Variants in ADAMDEC1 observed in about 807,000 individuals in gnomAD.
The protein encoded by ADAMDEC1 is ADAM DEC1.
A neutral mutation model predicts 60.4 loss-of-function variants in ADAMDEC1; 62 were observed. The ratio of observed to expected loss-of-function variants is 1.03; its 90% confidence interval spans 0.84 to 1.27. The LOEUF is 1.27. ADAMDEC1 is among the 50% of genes most tolerant of loss of function. ADAMDEC1 has a pLI of 0.00. For synonymous variants in ADAMDEC1, 210 were observed against 195.1 expected (o/e 1.08, Z -0.64); for missense variants, 595 against 565.0 (o/e 1.05, Z -0.54).
At chr8:24,398,676 A>G in intron 8 of ADAMDEC1, 125 bp downstream of exon 8, 1 of 949,646 alleles carries the variant, frequency 1.1e-6, no homozygotes, top group Non-Finnish European at 1.6e-6. Flanking sequence ...AGTTCAGGGA[A>G]ATTTTAGCAG....
chr8:24,390,796 T>C (rs772413933), intron 1 of ADAMDEC1, among the ~76,000 whole-genome samples: 3 of 152,122 alleles, frequency 2.0e-5, no homozygotes, highest in Non-Finnish European at 4.4e-5. Context: ...ATTTTTTTTT[T>C]ATTTGTTTTT....
intron 4 of ADAMDEC1, among the ~76,000 whole-genome samples, chr8:24,394,407 A>T (rs1456718357): frequency 6.6e-6 from 1 of 152,206 alleles, no homozygotes; most frequent in East Asian, 1.9e-4. Flanking sequence ...GAAGCAACCA[A>T]AAGTCCACTT....
chr8:24,389,500 T>C (rs1817382713), intron 1 of ADAMDEC1, among the ~76,000 whole-genome samples: 1 of 152,164 alleles, frequency 6.6e-6, no homozygotes. Flanking sequence ...ATGAGCTCTC[T>C]GATTCTACAC....
At chr8:24,391,168 T>C (rs1817435692) in intron 1 of ADAMDEC1, among the ~76,000 whole-genome samples, 1 of 152,194 alleles carries the variant, frequency 6.6e-6, no homozygotes, top group Non-Finnish European at 1.5e-5. Flanking sequence ...TGTAATTTCC[T>C]TTCATTTTCC....
intron 13 of ADAMDEC1, 117 bp from the exon 14 acceptor site, chr8:24,405,172 AAAT>A (rs1202644943): frequency 1.9e-6 from 2 of 1,072,944 alleles, no homozygotes; most frequent in Non-Finnish European, 2.7e-6. Context: ...ATAGTCTCTT[AAAT>A]AATATGAATT....
chr8:24,395,872 C>T, intron 5 of ADAMDEC1, 76 bp downstream of exon 5: 2 of 1,171,082 alleles, frequency 1.7e-6, no homozygotes, highest in Non-Finnish European at 2.5e-6. Context: ...TAGATATTGT[C>T]TTCTTACTAT....
intron 5 of ADAMDEC1, among the ~76,000 whole-genome samples, chr8:24,396,677 T>C (rs867523193): frequency 3.9e-5 from 6 of 152,226 alleles, no homozygotes; most frequent in Non-Finnish European, 8.8e-5. Context: ...TCTTCCAACA[T>C]GGCTGATAAC....
At chr8:24,400,119 T>G (rs781142368) in intron 10 of ADAMDEC1, 51 bp from the exon 11 acceptor site, 100 of 1,416,764 alleles carry the variant, frequency 7.1e-5, no homozygotes, top group Non-Finnish European at 8.5e-5. Flanking sequence ...TACTGCACAT[T>G]GGCAACAATT....
chr8:24,398,369 G>A, intron 7 of ADAMDEC1, 111 bp from the exon 8 acceptor site: 1 of 661,902 alleles, frequency 1.5e-6, no homozygotes, highest in Non-Finnish European at 2.6e-6. Context: ...ATGAATAGAT[G>A]TTAATTGTAG....
At chr8:24,397,531 G>A in intron 6 of ADAMDEC1, 75 bp downstream of exon 6, 1 of 1,526,376 alleles carries the variant, frequency 6.6e-7, no homozygotes, top group Non-Finnish European at 9.0e-7. Flanking sequence ...ACTATTCTTA[G>A]AAATGAGTAG....
At chr8:24,392,235 A>C in intron 1 of ADAMDEC1, 27 bp from the exon 2 acceptor site, 1 of 1,524,846 alleles carries the variant, frequency 6.6e-7, no homozygotes, top group African/African-American at 1.4e-5. Context: ...TAAATCTTTT[A>C]TGTGAATATT....
chr8:24,404,072 G>C lies in ADAMDEC1; in HGVS notation c.1390G>C (p.Ala464Pro), dbSNP rs1585818013. The change falls in exon 13 of 14, where the codon GCT (alanine) becomes CCT (proline). Residue 464 changes from alanine to proline, a missense_variant. By Grantham distance (27) the Ala-to-Pro change is conservative. Coordinates refer to ENST00000256412, the MANE Select transcript of ADAMDEC1 (RefSeq NM_014479.3). The stretch of plus-strand genomic sequence containing the variant: ...GCCTGGAACTGATTGCGGAGGAGAT[G>C]CTCCAAACCATACCACGTAAGACCT... The part of the protein sequence containing the change: ...LKPGTDCGGD[A>P]PNHTTE The C allele has an allele frequency of 1.2e-6, 2 of 1,613,510 alleles. No homozygotes were observed. Among genetic ancestry groups the C allele is most frequent in the African/African-American group, 2.7e-5 (2 of 74,920 alleles).
At position 24,400,297 on chromosome 8, in the gene ADAMDEC1, T is replaced by G. The variant is rs1162941947; in HGVS notation, c.1139T>G (p.Leu380Arg). ...PSGSCVMNQY[L>R]SSKFPKDFST... is the part of the protein sequence containing the mutation. ...GGCAGTTGTGTGATGAATCAGTATC[T>G]GAGGTGAGACCTTGTCATCCTAAAA... The change falls in exon 11 of 14, where the codon CTG (leucine) becomes CGG (arginine). Residue 380 changes from leucine (L) to arginine (R), a missense_variant. Physicochemically the swap from Leu to Arg is moderately radical, Grantham distance 102. Transcript: ENST00000256412. The G allele has an allele frequency of 6.3e-7, 1 of 1,599,320 alleles. No individual in the cohort carries two copies. The highest frequency in any genetic ancestry group is 2.2e-5 in the East Asian group (1 of 44,624).
chr8:24,405,122 A>T (rs1377925135), intron 13 of ADAMDEC1, among the ~76,000 whole-genome samples, 170 bp from the exon 14 acceptor site: 2 of 152,224 alleles, frequency 1.3e-5, no homozygotes, highest in East Asian at 3.8e-4. Context: ...TTAAGTCCAG[A>T]TAAATTAGTT....
chr8:24,389,073 G>T (rs1204750251), intron 1 of ADAMDEC1, among the ~76,000 whole-genome samples: 2 of 152,174 alleles, frequency 1.3e-5, no homozygotes, highest in East Asian at 1.9e-4. Flanking sequence ...TTTATGAGAA[G>T]TACCTGCTCT....
intron 7 of ADAMDEC1, 26 bp from the exon 8 acceptor site, chr8:24,398,454 T>C: frequency 1.4e-6 from 2 of 1,404,642 alleles, no homozygotes; most frequent in Non-Finnish European, 2.0e-6. Context: ...GCTATTTCAC[T>C]ATACTTTGTG....
rs762810900 is a variant in ADAMDEC1, at chr8:24,397,404, C to T, written c.575C>T (p.Thr192Ile). Residue 192 changes from threonine (T) to isoleucine (I), a missense_variant, in exon 6 of 14, where the codon ACT becomes ATT. Coordinates refer to ENST00000256412, the MANE Select transcript of ADAMDEC1 (RefSeq NM_014479.3). ...PANHTCGVKS[T>I]DGKQGPIRIS... Reference sequence around the variant, plus strand: ...AACCACACATGTGGTGTGAAGAGCACTGACGGGAAACAAGGCCCAATTCGA... The same window carrying T: ...AACCACACATGTGGTGTGAAGAGCATTGACGGGAAACAAGGCCCAATTCGA... The T allele has an allele frequency of 3.7e-6, 6 of 1,614,016 alleles. No homozygotes were observed. In the East Asian group the frequency reaches 1.1e-4, roughly 30 times the overall value.
chr8:24,393,487 A>AT, intron 3 of ADAMDEC1, 149 bp downstream of exon 3: 1 of 471,484 alleles, frequency 2.1e-6, no homozygotes, highest in Non-Finnish European at 3.8e-6. Context: ...AAAAAGGCTG[A>AT]TTTCCTAGGA....
At position 24,384,502 on chromosome 8, in the gene ADAMDEC1, T is replaced by A; in HGVS notation, c.-3T>A. 6.2e-7 allele frequency: 1 copy of A among 1,604,464 alleles called. No homozygotes were observed. Among genetic ancestry groups the A allele is most frequent in the Non-Finnish European group, 8.5e-7 (1 of 1,174,794 alleles). On this transcript the variant is annotated 5_prime_UTR_variant, in exon 1 of 14. Transcript: ENST00000256412. ...AACTGGACACTGGGGAGACCACAAC[T>A]TCATGCTGCGTGGGATCTCCCAGCT... is the stretch of plus-strand genomic sequence containing the variant.
Sources: gnomAD v4.1 joint callset for allele counts (sites outside exome capture counted in the v4.1 genomes callset) on GRCh38, gnomAD v4.1.1 for gene constraint, MANE v1.5 for transcripts, NCBI Gene and HGNC (gene_info 2026-07-23, HGNC 2026-07-21) for gene names.